SEC16A: variants seen among roughly 807,000 people sequenced by gnomAD.
The protein encoded by SEC16A is SEC16 homolog A, endoplasmic reticulum export factor, also known as protein transport protein Sec16A.
Under a neutral mutation model 221.9 loss-of-function variants are expected in SEC16A, and 110 were observed. The ratio of observed to expected loss-of-function variants is 0.50; its 90% CI spans 0.42 to 0.58. The LOEUF is 0.58. Among genes scored for constraint, SEC16A ranks in the 20% least tolerant of loss-of-function variants. The pLI is 0.00. For synonymous variants in SEC16A, 1,393 were observed against 1,257.7 expected (o/e 1.11, Z -2.28); for missense variants, 3,165 against 3,097.8 (o/e 1.02, Z -0.52).
In SEC16A at chr9:136,463,346, C is replaced by T. The variant is rs1350804881; in HGVS notation, c.4647+117G>A. 16 of 1,383,816 alleles carry T rather than the reference C, an allele frequency of 1.2e-5. No individual in the cohort carries two copies. The South Asian group carries it at 1.6e-4, about 14-fold the overall frequency. 85.7% of individuals were successfully genotyped at this position (1,383,816 alleles called of 1,614,324 possible). A position where few individuals can be genotyped will look rare whatever the true frequency, so the allele number is the denominator to read the frequency against. On this transcript the variant is annotated intron_variant, in intron 11 of 31. Coordinates refer to ENST00000684901, the MANE Select transcript of SEC16A (RefSeq NM_014866.2). ...ACAGTGTGCTTCCTAAGGGGGCCCT[C>T]GAGGCTCCCATAGCTGGCCACGCGG...
chr9:136,445,403 AG>A (rs1836825249), intron 29 of SEC16A, among the ~76,000 whole-genome samples: 1 of 152,208 alleles, frequency 6.6e-6, no homozygotes, highest in African/African-American at 2.4e-5. Flanking sequence ...GTGCTGTTGA[AG>A]GGAGAGGACC....
At chr9:136,443,199 C>T (rs1053592097) in intron 31 of SEC16A, among the ~76,000 whole-genome samples, 3 of 151,144 alleles carry the variant, frequency 2.0e-5, no homozygotes, top group Non-Finnish European at 4.4e-5. Flanking sequence ...AAAGGCAAAG[C>T]GAATACAGGA....
intron 23 of SEC16A, among the ~76,000 whole-genome samples, chr9:136,450,747 C>T (rs184511055): frequency 6.6e-6 from 1 of 152,326 alleles, no homozygotes; most frequent in East Asian, 1.9e-4. Flanking sequence ...AGGACAACTG[C>T]TCAGCAGTGT....
In SEC16A at chr9:136,441,780, T is replaced by C; in HGVS notation, c.7049A>G (p.Gln2350Arg). The C allele has an allele frequency of 6.2e-7, 1 of 1,613,450 alleles. No homozygotes were observed. The highest frequency in any genetic ancestry group is 2.2e-5 in the East Asian group (1 of 44,888). Residue 2350 changes from glutamine (Q) to arginine (R), a missense_variant, in exon 32 of 32, where the codon CAG (glutamine) becomes CGG (arginine). Coordinates refer to ENST00000684901, the MANE Select transcript of SEC16A (RefSeq NM_014866.2). ...SGSSRLGRIG[Q>R]RKHLVLN Reference sequence around the variant, plus strand: ...CTAGTTCAGCACCAGGTGCTTCCTCTGGCCAATCCTCCCTAGCCTTGAGCT... The same window carrying C: ...CTAGTTCAGCACCAGGTGCTTCCTCCGGCCAATCCTCCCTAGCCTTGAGCT...
At position 136,463,510 on chromosome 9, in the gene SEC16A, C is replaced by T. The variant is rs757824620; in HGVS notation, c.4600G>A (p.Ala1534Thr). 8 of 1,613,704 alleles carry T rather than the reference C, an allele frequency of 5.0e-6. No homozygotes were observed. Among genetic ancestry groups the T allele is most frequent in the Non-Finnish European group, 6.8e-6 (8 of 1,179,824 alleles). The change falls in exon 11 of 32, where the codon GCA (alanine) becomes ACA (threonine). Residue 1534 changes from alanine to threonine, a missense_variant. Ala to Thr is a moderately conservative substitution (Grantham distance 58). Transcript: ENST00000684901. ...QNENLIDKES[A>T]SLLWNFIVLL... ...ACAATAAAATTCCAAAGAAGACTTG[C>T]AGACTCTTTGTCAATTAAGTTTTCA...
chr9:136,478,428 T>C (rs1462495033), intron 2 of SEC16A, among the ~76,000 whole-genome samples: 4 of 149,862 alleles, frequency 2.7e-5, no homozygotes, highest in Admixed American at 1.3e-4. Flanking sequence ...AAAGGAAAAC[T>C]TTATATCATA....
At position 136,475,470 on chromosome 9, in the gene SEC16A, C is replaced by T. The variant is rs370085010; in HGVS notation, c.2146G>A (p.Val716Met). 2.6e-5 allele frequency: 42 copies of T among 1,607,206 alleles called. No individual in the cohort carries two copies. The East Asian group carries it at 3.6e-4, about 14-fold the overall frequency. Residue 716 changes from valine to methionine, a missense_variant, in exon 3 of 32, where the codon GTG (valine) becomes ATG (methionine). Physicochemically the swap from Val to Met is conservative, Grantham distance 21. Coordinates refer to ENST00000684901, the MANE Select transcript of SEC16A (RefSeq NM_014866.2). This position sits in a 1 kb window ranked among gnomAD's most constrained non-coding sequence, Gnocchi z 5.0. ...KRPSARTQGPVKCESPATTLW... is the reference protein window; with the variant it reads ...KRPSARTQGPMKCESPATTLW... ...GTCGTTGCTGGGCTCTCACACTTCA[C>T]GGGCCCCTGGGTCCTGGCTGAAGGC...
At chr9:136,452,745 G>C (rs1247318819) in intron 22 of SEC16A, among the ~76,000 whole-genome samples, 1 of 135,210 alleles carries the variant, frequency 7.4e-6, no homozygotes, top group Non-Finnish European at 1.5e-5. Flanking sequence ...CAGCCTAGGC[G>C]ACAGAGCGAA....
At chr9:136,480,882 G>A (rs561304151) in intron 1 of SEC16A, among the ~76,000 whole-genome samples, 13 of 134,356 alleles carry the variant, frequency 9.7e-5, no homozygotes, top group African/African-American at 3.3e-4. Context: ...GCGAGACTCC[G>A]TCTCAAAAAA....
Position 136,441,839 on chromosome 9 carries a change from C to T in SEC16A, c.7006-16G>A, listed in dbSNP as rs1267056800. 2 of 1,611,164 alleles carry T rather than the reference C, an allele frequency of 1.2e-6. No homozygotes were observed. The highest frequency in any genetic ancestry group is 1.3e-5 in the African/African-American group (1 of 74,914). ...TGGCGCAGGCCTGGAATGAAATCAA[C>T]AGCATGACCTCTGCATGCCTGCCCC... On this transcript the variant is annotated splice_polypyrimidine_tract_variant and intron_variant, in intron 31 of 31. Transcript: ENST00000684901.
rs764993401 is a variant in SEC16A, at chr9:136,441,607, C to T, written c.*148G>A. The T allele has an allele frequency of 5.1e-5, 32 of 630,220 alleles. No homozygotes were observed. The highest frequency in any genetic ancestry group is 1.1e-4 in the East Asian group (4 of 36,340). The allele number at this position is 630,220 out of a possible 1,614,324, so 39.0% of individuals were successfully genotyped here. A position where few individuals can be genotyped will look rare whatever the true frequency, so the allele number is the denominator to read the frequency against. On this transcript the variant is annotated 3_prime_UTR_variant, in exon 32 of 32. Coordinates refer to ENST00000684901, the MANE Select transcript of SEC16A (RefSeq NM_014866.2). The stretch of plus-strand genomic sequence containing the variant: ...TTTCAAAATAATTCATTACGATGGG[C>T]GGTGAGGAGGGAGGCACAGTGTGCG...
Position 136,476,269 on chromosome 9 carries a change from C to T in SEC16A, c.1347G>A (p.Pro449=), listed in dbSNP as rs375434454. 16 of 1,613,402 alleles carry T rather than the reference C, an allele frequency of 9.9e-6. No individual in the cohort carries two copies. The highest frequency in any genetic ancestry group is 2.7e-5 in the African/African-American group (2 of 75,044). The change falls in exon 3 of 32, where the codon CCG becomes CCA. Residue 449 remains proline, a synonymous_variant. Transcript: ENST00000684901. ...TCTCATACTGCGAGCCGCTGGCATC[C>T]GGCACCCCTGTGCTCGCTGTGTCAC... is the stretch of plus-strand genomic sequence containing the variant. The part of the protein sequence containing the change: ...VWGDTASTGV[P]DASGSQYENV...
At position 136,454,579 on chromosome 9, in the gene SEC16A, C is replaced by T. The variant is rs574256554; in HGVS notation, c.5858-252G>A. Among the ~76,000 whole-genome samples, 608 of 152,304 alleles carry T rather than the reference C, an allele frequency of 4.0e-3. 6 individuals are homozygous for T. Among genetic ancestry groups the T allele is most frequent in the African/African-American group, 0.014 (579 of 41,556 alleles). On this transcript the variant is annotated intron_variant, in intron 20 of 31. Transcript: ENST00000684901. ...AGCAGTCACAGCGGCACGCGGGCTC[C>T]AGGGCCCGGCCCACACGCAAGCCCA...
intron 23 of SEC16A, among the ~76,000 whole-genome samples, chr9:136,450,977 CCGT>C (rs1192024716): frequency 2.0e-5 from 3 of 152,232 alleles, no homozygotes; most frequent in Non-Finnish European, 4.4e-5. Context: ...GCAGCGGCTG[CCGT>C]CTGGTCCCTT....
chr9:136,465,877 G>A (rs1840074480), intron 8 of SEC16A, 85 bp downstream of exon 8: 1 of 1,387,060 alleles, frequency 7.2e-7, no homozygotes, highest in Middle Eastern at 2.5e-4. Flanking sequence ...TCCAATCCCA[G>A]CCCTGACTCC....
chr9:136,477,819 T>C, intron 2 of SEC16A, 135 bp from the exon 3 acceptor site: 2 of 851,324 alleles, frequency 2.3e-6, no homozygotes, highest in South Asian at 3.8e-5. Flanking sequence ...CTCTCTCCCC[T>C]ACACCCCACC....
intron 13 of SEC16A, among the ~76,000 whole-genome samples, chr9:136,460,698 G>A (rs1015539643): frequency 1.3e-5 from 2 of 151,732 alleles, no homozygotes; most frequent in African/African-American, 2.4e-5. Context: ...GATCCCTTGA[G>A]GCTAGGAGTT....
At chr9:136,467,169 G>T in intron 5 of SEC16A, 86 bp from the exon 6 acceptor site, 1 of 1,506,362 alleles carries the variant, frequency 6.6e-7, no homozygotes, top group Non-Finnish European at 9.1e-7. Context: ...CACCACCCCA[G>T]GACTTTATGC....
intron 9 of SEC16A, among the ~76,000 whole-genome samples, chr9:136,464,165 C>T (rs1478331444): frequency 1.4e-5 from 2 of 146,226 alleles, no homozygotes; most frequent in Non-Finnish European, 3.0e-5. Flanking sequence ...ATCCCCAAAA[C>T]GAGGACAGAA....
Sources: allele counts gnomAD v4.1 joint callset (sites outside exome capture counted in the v4.1 genomes callset), GRCh38; gene constraint gnomAD v4.1.1; non-coding constraint Gnocchi (gnomAD v3.1); transcripts MANE v1.5; gene names NCBI Gene and HGNC (gene_info 2026-07-23, HGNC 2026-07-21).